LRBA: variants seen among roughly 807,000 people sequenced by gnomAD.
LRBA encodes LPS responsive beige-like anchor protein.
A neutral mutation model predicts 330.0 loss-of-function variants in LRBA; 176 were observed. The observed-to-expected ratio is 0.53, with a 90% CI of 0.47 to 0.60. LRBA has a LOEUF of 0.60. Among genes scored for constraint, LRBA ranks in the 20% least tolerant of loss-of-function variants. LRBA has a pLI of 0.00. For synonymous variants in LRBA, 1,230 were observed against 1,193.0 expected, an observed-to-expected ratio of 1.03 and a Z score of -0.64; for missense variants, 3,259 against 3,444.8, an observed-to-expected ratio of 0.95 and a Z score of 1.35.
chr4:150,265,497 A>G lies in LRBA; in HGVS notation c.*225T>C. On this transcript the variant is annotated 3_prime_UTR_variant, in exon 57 of 57. Coordinates refer to ENST00000651943, the MANE Select transcript of LRBA (RefSeq NM_001364905.1). The stretch of plus-strand genomic sequence containing the variant: ...AATAGACTTCTCATTATGACTAAAA[A>G]TATAGATTTTTTAAAACTACAGAAC... 2.5e-6 allele frequency: 1 copy of G among 407,450 alleles called. No individual in the cohort carries two copies. The highest frequency in any genetic ancestry group is 4.5e-6 in the Non-Finnish European group (1 of 220,486). 25.2% of individuals were successfully genotyped at this position (407,450 alleles called of 1,614,324 possible). A position where few individuals can be genotyped will look rare whatever the true frequency, so the allele number is the denominator to read the frequency against.
chr4:150,609,870 G>A (rs780260424), intron 37 of LRBA, among the ~76,000 whole-genome samples: 2 of 152,170 alleles, frequency 1.3e-5, no homozygotes, highest in African/African-American at 2.4e-5. Context: ...GTGGGTAGCA[G>A]GAGCAGGGTT....
rs184344949 is a variant in LRBA at position 150,532,416 on chromosome 4, G to T, written c.6331-41381C>A. On this transcript the variant is annotated intron_variant, in intron 40 of 56. Transcript: ENST00000651943. ...CAGTTTGGTTATTAAATATATCCAAGTGCTCTTTTACCAATAATACTAAAA... is the reference window on the plus strand; with the variant it reads ...CAGTTTGGTTATTAAATATATCCAATTGCTCTTTTACCAATAATACTAAAA... Among the ~76,000 whole-genome samples the T allele has an allele frequency of 2.0e-5, 3 of 152,050 alleles. No individual in the cohort carries two copies. In the East Asian group the frequency reaches 5.8e-4, roughly 29 times the overall value.
At chr4:150,434,772 G>T (rs557625658) in intron 46 of LRBA, among the ~76,000 whole-genome samples, 1 of 151,930 alleles carries the variant, frequency 6.6e-6, no homozygotes, top group East Asian at 1.9e-4. Context: ...GATCACTTGA[G>T]CCTGGAAGGT....
chr4:150,380,116 T>C (rs1449135936), intron 47 of LRBA, among the ~76,000 whole-genome samples: 3 of 150,242 alleles, frequency 2.0e-5, no homozygotes, highest in Non-Finnish European at 4.4e-5. Flanking sequence ...GAGGCAGAGG[T>C]TGCAGTGAGC....
chr4:150,941,162 T>C (rs936969094), intron 2 of LRBA, among the ~76,000 whole-genome samples: 2 of 152,070 alleles, frequency 1.3e-5, no homozygotes, highest in Non-Finnish European at 2.9e-5. Context: ...CTTAAAAATA[T>C]ATATATATAT....
At position 150,415,722 on chromosome 4, in the gene LRBA, T is replaced by A. The variant is rs1041706791; in HGVS notation, c.7042-132A>T. The A allele has an allele frequency of 1.7e-5, 10 of 589,540 alleles. No individual in the cohort carries two copies. The African/African-American group carries it at 1.9e-4, about 11-fold the overall frequency. 36.5% of individuals were successfully genotyped at this position (589,540 alleles called of 1,614,324 possible). A position where few individuals can be genotyped will look rare whatever the true frequency, so the allele number is the denominator to read the frequency against. The stretch of plus-strand genomic sequence containing the variant: ...CACAGGGAATTTTTTTTTCTTTGCA[T>A]ATCATAGCCCTGTCACAGTTTCTCA... On this transcript the variant is annotated intron_variant, in intron 46 of 56. Transcript: ENST00000651943.
chr4:151,015,429 C>T (rs1014090787), upstream of LRBA: 6 of 153,146 alleles, frequency 3.9e-5, no homozygotes, highest in Non-Finnish European at 1.5e-5. Context: ...AGAAACCCAG[C>T]GGCCACCGCA....
chr4:150,440,016 TA>T (rs1388015749), intron 44 of LRBA, among the ~76,000 whole-genome samples: 1 of 152,174 alleles, frequency 6.6e-6, no homozygotes, highest in East Asian at 1.9e-4. Flanking sequence ...GAACTAAAAG[TA>T]AATGCTGACG....
intron 46 of LRBA, among the ~76,000 whole-genome samples, chr4:150,428,631 C>T (rs1349919165): frequency 1.3e-5 from 2 of 152,114 alleles, no homozygotes; most frequent in Admixed American, 6.6e-5. Flanking sequence ...CTGTCCCTTA[C>T]AGTCAACCAA....
intron 47 of LRBA, among the ~76,000 whole-genome samples, chr4:150,397,758 G>C (rs1344526813): frequency 6.6e-6 from 1 of 152,146 alleles, no homozygotes; most frequent in Non-Finnish European, 1.5e-5. Flanking sequence ...AAACTCACAA[G>C]TTACCTAAAC....
intron 29 of LRBA, 92 bp downstream of exon 29, chr4:150,831,725 G>T (rs912925102): frequency 1.1e-5 from 11 of 1,002,912 alleles, no homozygotes; most frequent in African/African-American, 1.0e-4. Flanking sequence ...GCACAGAAAT[G>T]GATTTAAATT....
At chr4:150,502,820 A>G (rs1561270813) in intron 40 of LRBA, among the ~76,000 whole-genome samples, 1 of 152,234 alleles carries the variant, frequency 6.6e-6, no homozygotes, top group Non-Finnish European at 1.5e-5. Context: ...AAGGGGTGAC[A>G]GACGGCACCT....
At chr4:150,626,786 T>C (rs1281566889) in intron 37 of LRBA, among the ~76,000 whole-genome samples, 1 of 152,152 alleles carries the variant, frequency 6.6e-6, no homozygotes, top group Non-Finnish European at 1.5e-5. Flanking sequence ...GGGATTACCA[T>C]TAGAAGAGCA....
chr4:150,366,257 G>C (rs1174060587), intron 47 of LRBA, among the ~76,000 whole-genome samples: 1 of 152,040 alleles, frequency 6.6e-6, no homozygotes, highest in African/African-American at 2.4e-5. Context: ...ATATGAGTTA[G>C]AATCACTATC....
chr4:150,456,853 TAG>T (rs1754143263), intron 44 of LRBA, among the ~76,000 whole-genome samples: 1 of 152,052 alleles, frequency 6.6e-6, no homozygotes, highest in Non-Finnish European at 1.5e-5. Context: ...TGTATATGGT[TAG>T]AGATAAGGTT....
intron 53 of LRBA, among the ~76,000 whole-genome samples, chr4:150,292,787 CA>C: frequency 6.6e-6 from 1 of 152,204 alleles, no homozygotes; most frequent in South Asian, 2.1e-4. Flanking sequence ...TATAAACCTG[CA>C]AATTATAATT....
chr4:151,003,885 CTGTGTGTGTGTGTGTGTGTGTGTGTG>C (rs56025404), intron 2 of LRBA, among the ~76,000 whole-genome samples: 2 of 134,198 alleles, frequency 1.5e-5, no homozygotes, highest in African/African-American at 2.8e-5. Context: ...TAGCCAACTG[CTGTGTGTGTGTGTGTGTGTGTGTGTG>C]TGTGTGTGTG....
chr4:150,779,626 T>C (rs1414945448), intron 34 of LRBA, among the ~76,000 whole-genome samples: 2 of 152,110 alleles, frequency 1.3e-5, no homozygotes. Context: ...ACTTTTTAAC[T>C]CGAGAGAAAA....
At chr4:150,618,401 C>A (rs943343146) in intron 37 of LRBA, among the ~76,000 whole-genome samples, 45 of 152,052 alleles carry the variant, frequency 3.0e-4, no homozygotes, top group Non-Finnish European at 4.1e-4. Context: ...TGCAGGCTAA[C>A]AAAAGCATAA....
Sources: allele counts gnomAD v4.1 joint callset (sites outside exome capture counted in the v4.1 genomes callset), GRCh38; gene constraint gnomAD v4.1.1; transcripts MANE v1.5; gene names NCBI Gene and HGNC (gene_info 2026-07-23, HGNC 2026-07-21).